Variants in CTNNA3 observed in about 807,000 individuals in gnomAD.
CTNNA3 encodes the protein catenin alpha-3.
CTNNA3 carries 76 observed loss-of-function variants against 95.7 expected under a neutral mutation model. The ratio of observed to expected loss-of-function variants is 0.79; its 90% CI spans 0.66 to 0.96. The LOEUF (loss-of-function observed/expected upper bound fraction) is 0.96. Ranked by LOEUF, CTNNA3 falls within the 40% of genes least tolerant of loss-of-function variation. The pLI is 0.00. For missense variants in CTNNA3, 1,191 were observed against 1,089.8 expected (o/e 1.09, Z -1.31); for synonymous variants, 431 against 374.4 (o/e 1.15, Z -1.74).
intron 3 of CTNNA3, among the ~76,000 whole-genome samples, chr10:67,548,462 T>C (rs1840914017): frequency 1.3e-5 from 2 of 152,122 alleles, no homozygotes; most frequent in Admixed American, 1.3e-4. Context: ...CTAAAATTCA[T>C]ACAGAAATGC....
At chr10:66,670,780 G>A (rs1332845825) in intron 9 of CTNNA3, among the ~76,000 whole-genome samples, 3 of 152,158 alleles carry the variant, frequency 2.0e-5, no homozygotes, top group Non-Finnish European at 4.4e-5. Context: ...ATCTTGCAGA[G>A]ACATCTGAAT....
chr10:67,725,235 G>T (rs998689105), intron 1 of CTNNA3, among the ~76,000 whole-genome samples: 1 of 151,118 alleles, frequency 6.6e-6, no homozygotes, highest in Admixed American at 6.6e-5. Context: ...GGCGTGCAGC[G>T]GCACGATCTC....
intron 2 of CTNNA3, among the ~76,000 whole-genome samples, chr10:67,640,895 A>G (rs1356585145): frequency 1.3e-5 from 2 of 152,230 alleles, no homozygotes; most frequent in African/African-American, 4.8e-5. Flanking sequence ...CCAAAACCAT[A>G]AAAACCCTAG....
At chr10:67,177,149 T>C (rs1344839489) in intron 7 of CTNNA3, among the ~76,000 whole-genome samples, 1 of 152,204 alleles carries the variant, frequency 6.6e-6, no homozygotes, top group Non-Finnish European at 1.5e-5. Flanking sequence ...TGTTAAGTGG[T>C]TGTCTGTTTT....
intron 15 of CTNNA3, among the ~76,000 whole-genome samples, chr10:66,000,276 C>A (rs1402122483): frequency 6.6e-6 from 1 of 151,738 alleles, no homozygotes; most frequent in Non-Finnish European, 1.5e-5. Context: ...TTTCCTATCC[C>A]TGACCTCATC....
At chr10:66,138,554 C>T (rs2083462536) in intron 13 of CTNNA3, among the ~76,000 whole-genome samples, 2 of 152,124 alleles carry the variant, frequency 1.3e-5, no homozygotes, top group African/African-American at 2.4e-5. Flanking sequence ...TTGGGCTGGG[C>T]GCAGTGGCTC....
intron 13 of CTNNA3, among the ~76,000 whole-genome samples, chr10:66,208,876 G>A (rs1000265660): frequency 6.6e-6 from 1 of 151,932 alleles, no homozygotes; most frequent in African/African-American, 2.4e-5. Context: ...GGGCCCAGGG[G>A]ACACTGGAGT....
intron 9 of CTNNA3, among the ~76,000 whole-genome samples, chr10:66,672,911 T>G (rs1846715737): frequency 6.6e-6 from 1 of 152,064 alleles, no homozygotes; most frequent in African/African-American, 2.4e-5. Flanking sequence ...TCTCAGAATT[T>G]TAGGCTTAGA....
chr10:66,941,611 T>A, intron 7 of CTNNA3, among the ~76,000 whole-genome samples: 1 of 152,134 alleles, frequency 6.6e-6, no homozygotes. Context: ...ATTTGTCAAA[T>A]AAACTGCAGA....
At chr10:67,407,239 C>G (rs920594424) in intron 5 of CTNNA3, among the ~76,000 whole-genome samples, 3 of 152,156 alleles carry the variant, frequency 2.0e-5, no homozygotes, top group African/African-American at 7.2e-5. Context: ...TAGTCTTCAT[C>G]CCTGGAATGC....
chr10:66,757,552 G>A (rs1402555690), intron 9 of CTNNA3, among the ~76,000 whole-genome samples: 2 of 152,164 alleles, frequency 1.3e-5, no homozygotes, highest in Non-Finnish European at 2.9e-5. Context: ...TAGAAAGAAT[G>A]ACTGCATGCA....
At chr10:66,502,141 TG>T (rs1840297731) in intron 11 of CTNNA3, among the ~76,000 whole-genome samples, 1 of 152,166 alleles carries the variant, frequency 6.6e-6, no homozygotes, top group Admixed American at 6.6e-5. Flanking sequence ...AGTCTGACCC[TG>T]GGTGATAAAG....
intron 13 of CTNNA3, among the ~76,000 whole-genome samples, chr10:66,178,101 C>T (rs2085816924): frequency 6.6e-6 from 1 of 151,382 alleles, no homozygotes; most frequent in African/African-American, 2.4e-5. Context: ...AAACTCTTAC[C>T]TGATTTTGAA....
intron 13 of CTNNA3, among the ~76,000 whole-genome samples, chr10:66,218,393 C>A (rs1047443387): frequency 6.6e-6 from 1 of 151,546 alleles, no homozygotes; most frequent in Non-Finnish European, 1.5e-5. Context: ...GTGGTTTCAT[C>A]TCTCTCTCTC....
intron 5 of CTNNA3, among the ~76,000 whole-genome samples, chr10:67,237,322 G>A (rs1865532151): frequency 1.3e-5 from 2 of 151,260 alleles, no homozygotes; most frequent in Admixed American, 1.3e-4. Flanking sequence ...ATATGTGGGA[G>A]CTAAGCTATG....
intron 1 of CTNNA3, among the ~76,000 whole-genome samples, chr10:67,664,793 A>G (rs552876117): frequency 6.6e-6 from 1 of 152,282 alleles, no homozygotes; most frequent in South Asian, 2.1e-4. Flanking sequence ...TACAACTTTA[A>G]CTTCTTGCTG....
chr10:66,461,892 A>T (rs1366355897), intron 11 of CTNNA3, among the ~76,000 whole-genome samples: 1 of 149,544 alleles, frequency 6.7e-6, no homozygotes, highest in Non-Finnish European at 1.5e-5. Context: ...GGCTCACTGC[A>T]ACCTCCGCCT....
intron 13 of CTNNA3, among the ~76,000 whole-genome samples, chr10:66,267,293 A>C (rs575957632): frequency 1.2e-3 from 185 of 152,176 alleles, no homozygotes; most frequent in African/African-American, 4.1e-3. Flanking sequence ...ACCTAATTGT[A>C]GTTCTTTCTC....
At chr10:67,669,897 A>C (rs180906094) in intron 1 of CTNNA3, among the ~76,000 whole-genome samples, 2 of 152,324 alleles carry the variant, frequency 1.3e-5, no homozygotes, top group East Asian at 3.9e-4. Flanking sequence ...CATCCACGTT[A>C]ATAATTTATA....
Sources: gnomAD v4.1 joint callset for allele counts (sites outside exome capture counted in the v4.1 genomes callset) on GRCh38, gnomAD v4.1.1 for gene constraint, MANE v1.5 for transcripts, NCBI Gene and HGNC (gene_info 2026-07-23, HGNC 2026-07-21) for gene names.